Variants in CELF4 observed in about 807,000 individuals in gnomAD.
CELF4 encodes CUG-BP- and ETR-3-like factor 4.
CELF4 carries 18 observed loss-of-function variants against 59.9 expected under a neutral mutation model. The observed-to-expected ratio is 0.30, with a 90% confidence interval of 0.21 to 0.45. The LOEUF is 0.45. CELF4 is among the 20% of genes least tolerant of loss of function. The pLI is 1.00. For synonymous variants in CELF4, 261 were observed against 267.1 expected (o/e 0.98, Z 0.22); for missense variants, 456 against 689.0 (o/e 0.66, Z 3.79).
chr18:37,546,144 T>G (rs1053645920), intron 1 of CELF4, among the ~76,000 whole-genome samples: 6 of 152,168 alleles, frequency 3.9e-5, no homozygotes, highest in Admixed American at 3.3e-4. Flanking sequence ...GTTTTTTACA[T>G]GCACTTGGTA....
At chr18:37,460,415 C>T (rs1020381249) in intron 2 of CELF4, among the ~76,000 whole-genome samples, 1 of 152,210 alleles carries the variant, frequency 6.6e-6, no homozygotes, top group Admixed American at 6.5e-5. Context: ...TGCAGCCCAA[C>T]TACTAACAGT....
chr18:37,285,253 G>C (rs76475302), intron 3 of CELF4, among the ~76,000 whole-genome samples: 2 of 152,306 alleles, frequency 1.3e-5, no homozygotes, highest in African/African-American at 4.8e-5. Context: ...CTAGGTGCTC[G>C]AGGAGGTAAA....
intron 2 of CELF4, among the ~76,000 whole-genome samples, chr18:37,404,581 C>A (rs1341341483): frequency 1.3e-5 from 2 of 152,192 alleles, no homozygotes; most frequent in Non-Finnish European, 2.9e-5. Context: ...TGTGCCTGGG[C>A]CTGGACATCA....
intron 2 of CELF4, 32 bp downstream of exon 2, chr18:37,485,493 C>G (rs1394268076): frequency 7.7e-7 from 1 of 1,302,002 alleles, no homozygotes; most frequent in East Asian, 3.1e-5. Flanking sequence ...GTCGGCGCGT[C>G]GGCCGCTTGC....
At chr18:37,391,313 C>T (rs1227671204) in intron 2 of CELF4, among the ~76,000 whole-genome samples, 1 of 152,202 alleles carries the variant, frequency 6.6e-6, no homozygotes, top group African/African-American at 2.4e-5. Flanking sequence ...AAAGCTGCCC[C>T]TCTCTAAGGA....
chr18:37,251,414 C>T (rs1464211940), intron 12 of CELF4, among the ~76,000 whole-genome samples: 1 of 152,154 alleles, frequency 6.6e-6, no homozygotes, highest in East Asian at 1.9e-4. Flanking sequence ...AACCTGCCTT[C>T]TCACTCCTTC....
chr18:37,349,730 T>C (rs1223800109), intron 2 of CELF4, among the ~76,000 whole-genome samples: 1 of 152,164 alleles, frequency 6.6e-6, no homozygotes, highest in Non-Finnish European at 1.5e-5. Context: ...ACCAAGGATG[T>C]GCTCTAGGGT....
At position 37,295,097 on chromosome 18, in the gene CELF4, G is replaced by A. The variant is rs1028075121; in HGVS notation, c.449-19854C>T. Among the ~76,000 whole-genome samples the A allele has an allele frequency of 3.3e-5, 5 of 152,294 alleles. No individual in the cohort carries two copies. The South Asian group carries it at 6.2e-4, about 19-fold the overall frequency. On this transcript the variant is annotated intron_variant, in intron 3 of 12. Coordinates refer to ENST00000420428, the MANE Select transcript of CELF4 (RefSeq NM_020180.4). ...GCTCTGACTTGAAAGCAGGGAGGAG[G>A]CATTTCCCCAAGCTGTGCCTCACCT...
intron 2 of CELF4, among the ~76,000 whole-genome samples, chr18:37,438,629 C>T (rs764557140): frequency 3.3e-5 from 5 of 152,042 alleles, no homozygotes; most frequent in African/African-American, 7.3e-5. Context: ...GTGCAGGAGC[C>T]GTTGGCACAG....
intron 2 of CELF4, among the ~76,000 whole-genome samples, chr18:37,411,523 TG>T (rs1213203291): frequency 6.6e-6 from 1 of 152,124 alleles, no homozygotes; most frequent in African/African-American, 2.4e-5. Context: ...GGTGAGGCCA[TG>T]GGGTGACTTA....
At chr18:37,295,148 G>T (rs953893266) in intron 3 of CELF4, among the ~76,000 whole-genome samples, 1 of 152,332 alleles carries the variant, frequency 6.6e-6, no homozygotes, top group Middle Eastern at 3.4e-3. Context: ...CGCCCTGAAA[G>T]CACCAGTCCC....
chr18:37,273,670 G>GC (rs1422614599), intron 6 of CELF4: 1 of 987,938 alleles, frequency 1.0e-6, no homozygotes, highest in East Asian at 1.1e-4. Context: ...GCGGAATGTG[G>GC]CCAAGGCGGA....
At chr18:37,499,633 T>C (rs1000157627) in intron 1 of CELF4, among the ~76,000 whole-genome samples, 9 of 152,240 alleles carry the variant, frequency 5.9e-5, no homozygotes, top group Admixed American at 2.6e-4. Context: ...CCCCTCTGCA[T>C]GCCTCTTGTC....
chr18:37,392,041 C>T (rs1421949190), intron 2 of CELF4, among the ~76,000 whole-genome samples: 13 of 152,226 alleles, frequency 8.5e-5, no homozygotes, highest in Non-Finnish European at 1.6e-4. Flanking sequence ...TCACCAGAAC[C>T]GAATTCAGGG....
At chr18:37,482,743 GGT>G (rs746981469) in intron 2 of CELF4, among the ~76,000 whole-genome samples, 1 of 152,004 alleles carries the variant, frequency 6.6e-6, no homozygotes, top group African/African-American at 2.4e-5. Flanking sequence ...TGACGGTGGT[GGT>G]GTGTGTGTAT....
At chr18:37,456,385 C>A (rs1264487066) in intron 2 of CELF4, among the ~76,000 whole-genome samples, 1 of 152,124 alleles carries the variant, frequency 6.6e-6, no homozygotes, top group Non-Finnish European at 1.5e-5. Context: ...CAGGACTCTG[C>A]CTGCCCTATA....
At chr18:37,404,614 C>T (rs988539576) in intron 2 of CELF4, among the ~76,000 whole-genome samples, 4 of 152,210 alleles carry the variant, frequency 2.6e-5, no homozygotes, top group African/African-American at 4.8e-5. Context: ...CCACCTGGCT[C>T]GACCTGCTCC....
intron 2 of CELF4, among the ~76,000 whole-genome samples, chr18:37,440,003 G>C (rs1428459635): frequency 6.6e-6 from 1 of 152,168 alleles, no homozygotes; most frequent in Non-Finnish European, 1.5e-5. Context: ...TGCCACTCAA[G>C]GCCACAGCAA....
chr18:37,336,938 G>A (rs57206136), intron 2 of CELF4, among the ~76,000 whole-genome samples: 2,556 of 152,074 alleles, frequency 0.017, 83 homozygotes, highest in African/African-American at 0.059. Flanking sequence ...ACCCGGACCC[G>A]AGGCTTCGGC....
Sources: gnomAD v4.1 joint callset for allele counts (sites outside exome capture counted in the v4.1 genomes callset) on GRCh38, gnomAD v4.1.1 for gene constraint, MANE v1.5 for transcripts, NCBI Gene and HGNC (gene_info 2026-07-23, HGNC 2026-07-21) for gene names.